TOMM40L: variants seen among roughly 807,000 people sequenced by gnomAD.
The protein encoded by TOMM40L is translocase of outer mitochondrial membrane 40 like, also known as mitochondrial import receptor subunit TOM40B.
A neutral mutation model predicts 38.3 loss-of-function variants in TOMM40L; 17 were observed. That is an observed-to-expected ratio of 0.44 (90% CI 0.30 to 0.67). TOMM40L has a LOEUF of 0.67. TOMM40L is among the 30% of genes least tolerant of loss of function. The pLI is 0.08. For missense variants in TOMM40L, 294 were observed against 390.0 expected, an observed-to-expected ratio of 0.75 and a Z score of 2.07; for synonymous variants, 151 against 150.2, an observed-to-expected ratio of 1.01 and a Z score of -0.04.
rs751722876 is a variant in TOMM40L, at chr1:161,229,739, C to T, written c.*644C>T. 8.7e-6 allele frequency: 14 copies of T among 1,614,094 alleles called. No individual in the cohort carries two copies. The highest frequency in any genetic ancestry group is 7.7e-5 in the South Asian group (7 of 91,090). On this transcript the variant is annotated 3_prime_UTR_variant, in exon 10 of 10. Transcript: ENST00000367988. ...GCCCAATCTTTGGTCCCAGCATTTT[C>T]CCACTCCAGTGTATCCAGGGTGTTC...
At chr1:161,228,926 T>C (rs1558098828) in intron 9 of TOMM40L, 30 bp from the exon 10 acceptor site, 3 of 1,614,134 alleles carry the variant, frequency 1.9e-6, no homozygotes, top group Non-Finnish European at 2.5e-6. Context: ...CCCTGTTAAA[T>C]AATCTAGTGG....
chr1:161,228,562 A>T, intron 8 of TOMM40L, 58 bp downstream of exon 8: 1 of 1,599,670 alleles, frequency 6.3e-7, no homozygotes, highest in South Asian at 1.1e-5. Context: ...ACTTCTGTTC[A>T]TCTGGACCTC....
rs928604153 is a variant in TOMM40L, at chr1:161,230,739, C to A, written c.*1644C>A. On this transcript the variant is annotated 3_prime_UTR_variant, in exon 10 of 10. Coordinates refer to ENST00000367988, the MANE Select transcript of TOMM40L (RefSeq NM_032174.6). ...AAGGAAAGGACAGTAAAAAAACATT[C>A]CTCCCAAGCTCAATGTTTCACCAAC... is the stretch of plus-strand genomic sequence containing the variant. 22 of 1,597,926 alleles carry A rather than the reference C, an allele frequency of 1.4e-5. No individual in the cohort carries two copies. Among genetic ancestry groups the A allele is most frequent in the Non-Finnish European group, 1.9e-5 (22 of 1,170,460 alleles).
chr1:161,227,945 C>T lies in TOMM40L; in HGVS notation c.440C>T (p.Thr147Ile). The T allele has an allele frequency of 1.2e-6, 2 of 1,614,168 alleles. No individual in the cohort carries two copies. Among genetic ancestry groups the T allele is most frequent in the Non-Finnish European group, 8.5e-7 (1 of 1,180,024 alleles). ...GGCGAGTATCGGGGAGATGACTACA[C>T]AGCCACTCTGACCCTAGGAAATCCT... The part of the protein sequence containing the change: ...FDGEYRGDDY[T>I]ATLTLGNPDL... Residue 147 changes from threonine to isoleucine, a missense_variant, in exon 6 of 10, where the codon ACA (threonine) becomes ATA (isoleucine). By Grantham distance (89) the Thr-to-Ile change is moderately conservative. Transcript: ENST00000367988.
intron 9 of TOMM40L, 47 bp downstream of exon 9, chr1:161,228,864 G>A (rs1270489576): frequency 6.2e-7 from 1 of 1,613,616 alleles, no homozygotes; most frequent in Non-Finnish European, 8.5e-7. Context: ...AATGGGGGAT[G>A]CAGAGGAGGG....
chr1:161,226,405 G>C lies in TOMM40L; in HGVS notation c.-85G>C. 8.4e-7 allele frequency: 1 copy of C among 1,192,216 alleles called. No individual in the cohort carries two copies. Among genetic ancestry groups the C allele is most frequent in the South Asian group, 1.4e-5 (1 of 69,354 alleles). The allele number at this position is 1,192,216 out of a possible 1,614,324, so 73.9% of individuals were successfully genotyped here. A position where few individuals can be genotyped will look rare whatever the true frequency, so the allele number is the denominator to read the frequency against. On this transcript the variant is annotated 5_prime_UTR_variant, in exon 2 of 10. An upstream start codon of the reference 5' UTR is lost. Coordinates refer to ENST00000367988, the MANE Select transcript of TOMM40L (RefSeq NM_032174.6). ...TTCTGAGGCTGGGGAGCCGGATAAT[G>C]GGGGGTGGGGCCCGTTGGGGGGTAA...
chr1:161,227,051 T>C, intron 3 of TOMM40L, 96 bp downstream of exon 3: 2 of 1,485,882 alleles, frequency 1.3e-6, no homozygotes, highest in Non-Finnish European at 1.9e-6. Flanking sequence ...AGCCAGTCTA[T>C]GTGGGACAAA....
chr1:161,228,846 T>C, intron 9 of TOMM40L, 29 bp downstream of exon 9: 1 of 1,614,000 alleles, frequency 6.2e-7, no homozygotes, highest in Non-Finnish European at 8.5e-7. Context: ...CATTTGGCTA[T>C]CCTGAGGAAT....
intron 6 of TOMM40L, 45 bp downstream of exon 6, chr1:161,228,034 G>A (rs775363188): frequency 6.2e-7 from 1 of 1,607,588 alleles, no homozygotes; most frequent in Non-Finnish European, 8.5e-7. Context: ...CGGCCCATTT[G>A]CTAATGTTAC....
rs1414497644 is a variant in TOMM40L at position 161,230,596 on chromosome 1, A to T, written c.*1501A>T. 2 of 643,804 alleles carry T rather than the reference A, an allele frequency of 3.1e-6. No individual in the cohort carries two copies. Among genetic ancestry groups the T allele is most frequent in the African/African-American group, 1.8e-5 (1 of 54,486 alleles). 39.9% of individuals were successfully genotyped at this position (643,804 alleles called of 1,614,324 possible). On this transcript the variant is annotated 3_prime_UTR_variant, in exon 10 of 10. Transcript: ENST00000367988. Reference sequence around the variant, plus strand: ...TTGCATCTGTACTGAATAAAAAAAAAATCTGGAAAAAGTGAGATGAAACAG... The same window carrying T: ...TTGCATCTGTACTGAATAAAAAAAATATCTGGAAAAAGTGAGATGAAACAG...
At position 161,229,618 on chromosome 1, in the gene TOMM40L, T is replaced by C; in HGVS notation, c.*523T>C. On this transcript the variant is annotated 3_prime_UTR_variant, in exon 10 of 10. Coordinates refer to ENST00000367988, the MANE Select transcript of TOMM40L (RefSeq NM_032174.6). ...CTTCTGTGCTTCCAGAGAACAACTT[T>C]GTTCCTATGGTCACCCCCACTATCC... The C allele has an allele frequency of 6.2e-7, 1 of 1,607,042 alleles. No individual in the cohort carries two copies. The highest frequency in any genetic ancestry group is 1.7e-5 in the Admixed American group (1 of 59,146).
At position 161,230,673 on chromosome 1, in the gene TOMM40L, G is replaced by T; in HGVS notation, c.*1578G>T. The T allele has an allele frequency of 1.9e-6, 2 of 1,060,916 alleles. No homozygotes were observed. Among genetic ancestry groups the T allele is most frequent in the Non-Finnish European group, 2.7e-6 (2 of 731,614 alleles). The allele number at this position is 1,060,916 out of a possible 1,614,324, so 65.7% of individuals were successfully genotyped here. ...GCTGAAACGATGTGAGACAGGGATG[G>T]CCAGGGGGAAGGACTAGACCCCACG... On this transcript the variant is annotated 3_prime_UTR_variant, in exon 10 of 10. Coordinates refer to ENST00000367988, the MANE Select transcript of TOMM40L (RefSeq NM_032174.6).
Position 161,229,986 on chromosome 1 carries a change from CT to C in TOMM40L, c.*893del. On this transcript the variant is annotated 3_prime_UTR_variant, in exon 10 of 10. Coordinates refer to ENST00000367988, the MANE Select transcript of TOMM40L (RefSeq NM_032174.6). ...GGAGGGAAATAAGGCAGTTGGGAGT[CT>C]TGTCTCTAGGCCCTGATCCCCTGAA... 6.3e-7 allele frequency: 1 copy of C among 1,598,012 alleles called. No individual in the cohort carries two copies. The highest frequency in any genetic ancestry group is 8.6e-7 in the Non-Finnish European group (1 of 1,168,742).
In TOMM40L at chr1:161,227,997, A is replaced by G. The variant is rs1666472996; in HGVS notation, c.484+8A>G. 1 of 1,613,328 alleles carries G rather than the reference A, an allele frequency of 6.2e-7. No individual in the cohort carries two copies. The highest frequency in any genetic ancestry group is 8.5e-7 in the Non-Finnish European group (1 of 1,179,482). On this transcript the variant is annotated splice_region_variant and intron_variant, in intron 6 of 9. Transcript: ENST00000367988. ...ACCTGATTGGGGAGTCGGGTGAGGA[A>G]CTGGGACAGGGTTCTTTTTATCTTG...
intron 1 of TOMM40L, 47 bp downstream of exon 1, chr1:161,226,183 T>G: frequency 3.4e-6 from 1 of 292,472 alleles, no homozygotes; most frequent in Non-Finnish European, 6.5e-6. Flanking sequence ...GGCCTGGGAA[T>G]GAAGAATAGA....
At chr1:161,227,793 G>A (rs1666453046) in intron 5 of TOMM40L, 56 bp downstream of exon 5, 1 of 1,605,056 alleles carries the variant, frequency 6.2e-7, no homozygotes. Flanking sequence ...TCCTCCACGG[G>A]TTTCCTGCTC....
rs1450796951 is a variant in TOMM40L, at chr1:161,229,415, C to T, written c.*320C>T. The T allele has an allele frequency of 8.0e-6, 5 of 624,718 alleles. No individual in the cohort carries two copies. The Admixed American group carries it at 1.2e-4, about 15-fold the overall frequency. The allele number at this position is 624,718 out of a possible 1,614,324, so 38.7% of individuals were successfully genotyped here. On this transcript the variant is annotated 3_prime_UTR_variant, in exon 10 of 10. Transcript: ENST00000367988. ...CCCTTGCCCTCAGGCTTCCTTCTTC[C>T]TTTCCCTTTGGTTAATCCTGCATGG...
chr1:161,226,501 A>G lies in TOMM40L; in HGVS notation c.12A>G (p.Thr4=), dbSNP rs769403154. The G allele has an allele frequency of 2.5e-6, 4 of 1,613,882 alleles. No individual in the cohort carries two copies. The East Asian group carries it at 8.9e-5, about 36-fold the overall frequency. The stretch of plus-strand genomic sequence containing the variant: ...TCCTCTGGACTAAAATGGGGAACAC[A>G]TTGGGCCTGGCACCAATGGGGACTT... MGN[T]LGLAPMGTLP... The change falls in exon 2 of 10, where the codon ACA becomes ACG. Residue 4 remains threonine, a synonymous_variant. Coordinates refer to ENST00000367988, the MANE Select transcript of TOMM40L (RefSeq NM_032174.6).
At position 161,227,901 on chromosome 1, in the gene TOMM40L, C is replaced by A; in HGVS notation, c.396C>A (p.Phe132Leu). The A allele has an allele frequency of 6.2e-7, 1 of 1,614,142 alleles. No homozygotes were observed. Among genetic ancestry groups the A allele is most frequent in the South Asian group, 1.1e-5 (1 of 91,084 alleles). ...KAVFQTQQAK[F>L]LTWQFDGEYR... ...CCACCCAGACGCAGCAGGCCAAGTT[C>A]CTGACATGGCAGTTTGATGGCGAGT... Residue 132 changes from phenylalanine (F) to leucine (L), a missense_variant, in exon 6 of 10, where the codon TTC (phenylalanine) becomes TTA (leucine). By Grantham distance (22) the Phe-to-Leu change is conservative. Transcript: ENST00000367988.
Sources: allele counts gnomAD v4.1 joint callset, GRCh38; gene constraint gnomAD v4.1.1; transcripts MANE v1.5; gene names NCBI Gene and HGNC (gene_info 2026-07-23, HGNC 2026-07-21).